Variants in ADGRF5 observed in about 807,000 individuals in gnomAD.
ADGRF5 encodes G-protein coupled receptor 116.
In ADGRF5, 75 loss-of-function variants were observed where a neutral mutation model predicts 132.3. That is an observed-to-expected ratio of 0.57 (90% CI 0.47 to 0.69). ADGRF5 has a LOEUF of 0.69. ADGRF5 is among the 30% of genes least tolerant of loss of function. ADGRF5 has a pLI of 0.00. For missense variants in ADGRF5, 1,516 were observed against 1,630.6 expected, an observed-to-expected ratio of 0.93 and a Z score of 1.21; for synonymous variants, 629 against 597.6, an observed-to-expected ratio of 1.05 and a Z score of -0.77.
intron 13 of ADGRF5, among the ~76,000 whole-genome samples, chr6:46,866,378 T>C (rs946047021): frequency 6.6e-6 from 1 of 152,140 alleles, no homozygotes; most frequent in Non-Finnish European, 1.5e-5. Flanking sequence ...GAGTGACCCA[T>C]TGTGTGTTTA....
In ADGRF5 at chr6:46,862,713, T is replaced by G. The variant is rs899353311; in HGVS notation, c.2199+175A>C. On this transcript the variant is annotated intron_variant, in intron 15 of 20. Transcript: ENST00000283296. Reference sequence around the variant, plus strand: ...GTATTTGAATTGAGGCTTTTTTTTTTTTTTTTTTTTTTTTTTGCATTTCTA... The same window carrying G: ...GTATTTGAATTGAGGCTTTTTTTTTGTTTTTTTTTTTTTTTTGCATTTCTA... 5.9e-4 allele frequency among the ~76,000 whole-genome samples: 83 copies of G among 140,350 alleles called. 1 individual carries two copies. Among genetic ancestry groups the G allele is most frequent in the African/African-American group, 2.1e-3 (80 of 37,782 alleles). 92.1% of individuals were successfully genotyped at this position (140,350 alleles called of 152,430 possible).
intron 1 of ADGRF5, among the ~76,000 whole-genome samples, chr6:46,948,043 G>A (rs1778364797): frequency 1.3e-5 from 2 of 152,116 alleles, no homozygotes; most frequent in South Asian, 4.1e-4. Context: ...ATCTTTCACG[G>A]AGACCCCCAG....
chr6:46,910,213 C>T (rs1024007864), intron 1 of ADGRF5, among the ~76,000 whole-genome samples: 8 of 152,064 alleles, frequency 5.3e-5, no homozygotes, highest in Admixed American at 5.2e-4. Context: ...AAATTTTAGC[C>T]AATGATATCC....
intron 1 of ADGRF5, among the ~76,000 whole-genome samples, chr6:46,941,433 A>G (rs1401090909): frequency 1.7e-5 from 1 of 57,674 alleles, no homozygotes; most frequent in African/African-American, 5.1e-5. Flanking sequence ...AAAGAAAAGA[A>G]AAGAAAAGAA....
Position 46,884,115 on chromosome 6 carries a change from G to C in ADGRF5, c.485C>G (p.Pro162Arg), listed in dbSNP as rs751702209. The change falls in exon 5 of 21, where the codon CCT (proline) becomes CGT (arginine). Residue 162 changes from proline to arginine, a missense_variant. Transcript: ENST00000283296. ...CTTACCTTCCTGAAGCAGGCAAAAA[G>C]GTCCATTGGGAGGCAGTTCTTTAAG... is the stretch of plus-strand genomic sequence containing the variant. ...SCLKELPPNGPFCLLQEDVTL... is the reference protein window; with the variant it reads ...SCLKELPPNGRFCLLQEDVTL... The C allele has an allele frequency of 7.4e-6, 12 of 1,613,910 alleles. No individual in the cohort carries two copies. In the East Asian group the frequency reaches 2.2e-4, roughly 30 times the overall value.
At chr6:46,860,655 C>G in intron 16 of ADGRF5, 60 bp downstream of exon 16, 1 of 1,259,138 alleles carries the variant, frequency 7.9e-7, no homozygotes, top group Middle Eastern at 1.9e-4. Context: ...TTCTTGAATA[C>G]AAATTCTGAG....
At chr6:46,886,915 C>T (rs1773122028) in intron 4 of ADGRF5, 1 of 152,082 alleles carries the variant, frequency 6.6e-6, no homozygotes, top group Admixed American at 6.5e-5. Flanking sequence ...AAAGATTCAC[C>T]CCCTCTATGT....
At position 46,858,755 on chromosome 6, in the gene ADGRF5, G is replaced by T; in HGVS notation, c.3148C>A (p.Arg1050Ser). The T allele has an allele frequency of 6.2e-7, 1 of 1,614,072 alleles. No homozygotes were observed. The highest frequency in any genetic ancestry group is 8.5e-7 in the Non-Finnish European group (1 of 1,180,008). ...GCGATATTCACTATGCAGGTGTGGCGCATATAAGAAGTCCGGTTCTTGGTC... is the reference window on the plus strand; with the variant it reads ...GCGATATTCACTATGCAGGTGTGGCTCATATAAGAAGTCCGGTTCTTGGTC... ...SVTKNRTSYM[R>S]HTCIVNIAAS... The change falls in exon 17 of 21, where the codon CGC becomes AGC. Residue 1050 changes from arginine to serine, a missense_variant. Arg to Ser is a moderately radical substitution (Grantham distance 110). Around this residue, in one of 2 missense-constraint regions of ADGRF5, gnomAD observed 571 missense variants for 701.2 expected, o/e 0.81. Transcript: ENST00000283296.
At chr6:46,860,674 A>G in intron 16 of ADGRF5, 41 bp downstream of exon 16, 5 of 1,466,246 alleles carry the variant, frequency 3.4e-6, no homozygotes, top group Non-Finnish European at 4.7e-6. Flanking sequence ...AGGGGTGAAA[A>G]GGTAAGACCC....
chr6:46,941,461 GAAAAGAAAGAAAAGA>G (rs1778081010), intron 1 of ADGRF5, among the ~76,000 whole-genome samples: 1 of 44,118 alleles, frequency 2.3e-5, no homozygotes, highest in Non-Finnish European at 5.7e-5. Flanking sequence ...GAAAAGAAAA[GAAAAGAAAGAAAAGA>G]AAAGAAAAGA....
At chr6:46,927,945 C>T (rs1777339055) in intron 1 of ADGRF5, among the ~76,000 whole-genome samples, 2 of 152,138 alleles carry the variant, frequency 1.3e-5, no homozygotes, top group Admixed American at 6.5e-5. Flanking sequence ...TCACATCATG[C>T]CAAATAGCTG....
chr6:46,923,673 T>C (rs924505277), upstream of ADGRF5, among the ~76,000 whole-genome samples: 2 of 152,212 alleles, frequency 1.3e-5, no homozygotes, highest in African/African-American at 4.8e-5. Context: ...GTTGTCAAAG[T>C]GGCTGTCCCT....
chr6:46,928,797 A>G (rs1777388668), intron 1 of ADGRF5, among the ~76,000 whole-genome samples: 1 of 152,286 alleles, frequency 6.6e-6, no homozygotes, highest in Non-Finnish European at 1.5e-5. Flanking sequence ...ATGAGATACC[A>G]TCTCACACCA....
chr6:46,937,817 G>A (rs1291790716), intron 1 of ADGRF5, among the ~76,000 whole-genome samples: 1 of 152,182 alleles, frequency 6.6e-6, no homozygotes, highest in South Asian at 2.1e-4. Flanking sequence ...AAGCTACTAA[G>A]TGACCAATGG....
intron 20 of ADGRF5, 122 bp from the exon 21 acceptor site, chr6:46,854,193 G>T: frequency 1.6e-6 from 1 of 626,178 alleles, no homozygotes; most frequent in Non-Finnish European, 2.7e-6. Flanking sequence ...GGCCATGCCT[G>T]GAAACCAACC....
At chr6:46,886,388 C>G (rs527281745) in intron 4 of ADGRF5, among the ~76,000 whole-genome samples, 2 of 152,236 alleles carry the variant, frequency 1.3e-5, no homozygotes, top group South Asian at 4.1e-4. Context: ...AACAGGATCC[C>G]ACTTGTTGAA....
chr6:46,943,422 A>G (rs1484316615), intron 1 of ADGRF5, among the ~76,000 whole-genome samples: 1 of 152,230 alleles, frequency 6.6e-6, no homozygotes, highest in Middle Eastern at 3.2e-3. Flanking sequence ...CTTTGTGCAG[A>G]ATACTATCTT....
intron 1 of ADGRF5, among the ~76,000 whole-genome samples, chr6:46,948,665 A>G (rs1778387882): frequency 6.6e-6 from 1 of 152,228 alleles, no homozygotes; most frequent in Non-Finnish European, 1.5e-5. Flanking sequence ...ACTTCACAGT[A>G]CGGGTGAGAT....
intron 3 of ADGRF5, among the ~76,000 whole-genome samples, chr6:46,899,344 G>A (rs59157415): frequency 0.036 from 5,466 of 152,120 alleles, 228 homozygotes; most frequent in African/African-American, 0.1. Context: ...GTTCTATGGG[G>A]GCAAATGACA....
Sources: gnomAD v4.1 joint callset for allele counts (sites outside exome capture counted in the v4.1 genomes callset) on GRCh38, gnomAD v4.1.1 for gene constraint, gnomAD v4.1.1 regional missense constraint, MANE v1.5 for transcripts, NCBI Gene and HGNC (gene_info 2026-07-23, HGNC 2026-07-21) for gene names.